The following TBC1D9 variants were observed in gnomAD, a reference collection of about 807,000 sequenced individuals.
TBC1D9 encodes TBC1 domain family member 9A.
In TBC1D9, 63 loss-of-function variants were observed where a neutral mutation model predicts 132.0. The ratio of observed to expected loss-of-function variants is 0.48; its 90% confidence interval spans 0.39 to 0.59. The LOEUF (loss-of-function observed/expected upper bound fraction) is 0.59. Ranked by LOEUF, TBC1D9 falls within the 20% of genes least tolerant of loss-of-function variation. TBC1D9 has a pLI of 0.00. For synonymous variants in TBC1D9, 610 were observed against 609.9 expected (o/e 1.00, Z 0.00); for missense variants, 1,261 against 1,592.7 (o/e 0.79, Z 3.54).
chr4:140,643,762 C>T, intron 13 of TBC1D9: 2 of 1,072,914 alleles, frequency 1.9e-6, no homozygotes, highest in South Asian at 2.9e-5. Flanking sequence ...GGCCCCTCCG[C>T]AAAGTCTGGG....
intron 1 of TBC1D9, among the ~76,000 whole-genome samples, chr4:140,725,815 T>C (rs1302851226): frequency 2.6e-5 from 4 of 152,126 alleles, no homozygotes; most frequent in Non-Finnish European, 4.4e-5. Flanking sequence ...AAATTACATA[T>C]TGTAATTTGC....
At chr4:140,640,961 C>T (rs1463336829) in intron 13 of TBC1D9, among the ~76,000 whole-genome samples, 7 of 150,898 alleles carry the variant, frequency 4.6e-5, no homozygotes, top group Non-Finnish European at 1.0e-4. Flanking sequence ...CACTATTAAC[C>T]AAAAGTCAGT....
Position 140,708,616 on chromosome 4 carries a change from C to T in TBC1D9, c.131-7002G>A, listed in dbSNP as rs531424314. 2.0e-5 allele frequency among the ~76,000 whole-genome samples: 3 copies of T among 152,250 alleles called. No homozygotes were observed. In the South Asian group the frequency reaches 6.2e-4, roughly 32 times the overall value. The stretch of plus-strand genomic sequence containing the variant: ...GGGATTAGGAAAATGGTTCTGTGTG[C>T]AGGTGTGAAGAATGCTGAAATGGCC... On this transcript the variant is annotated intron_variant, in intron 1 of 20. Transcript: ENST00000442267.
chr4:140,643,072 A>C (rs116043551), intron 13 of TBC1D9: 1 of 1,326,028 alleles, frequency 7.5e-7, no homozygotes, highest in Non-Finnish European at 1.1e-6. Context: ...ATCCAGCTGT[A>C]CTTATTGTGG....
chr4:140,624,086 A>C (rs1177469436), intron 20 of TBC1D9, 30 bp downstream of exon 20: 1 of 1,537,400 alleles, frequency 6.5e-7, no homozygotes, highest in Non-Finnish European at 8.9e-7. Context: ...TCCAGGTTTG[A>C]AGCGAATGAT....
chr4:140,694,732 A>C (rs1204583669), intron 2 of TBC1D9, among the ~76,000 whole-genome samples: 1 of 149,430 alleles, frequency 6.7e-6, no homozygotes, highest in African/African-American at 2.4e-5. Flanking sequence ...CACATAGTAT[A>C]TATTATATAC....
intron 16 of TBC1D9, among the ~76,000 whole-genome samples, chr4:140,630,162 T>C (rs1447756664): frequency 1.3e-5 from 2 of 152,210 alleles, no homozygotes; most frequent in Non-Finnish European, 2.9e-5. Context: ...TATTTATCCT[T>C]ATCAATTTTT....
At position 140,668,903 on chromosome 4, in the gene TBC1D9, C is replaced by T. The variant is rs373096543; in HGVS notation, c.1588+14G>A. 21 of 1,612,742 alleles carry T rather than the reference C, an allele frequency of 1.3e-5. No homozygotes were observed. In the African/African-American group the frequency reaches 1.3e-4, roughly 10 times the overall value. On this transcript the variant is annotated intron_variant, in intron 9 of 20. Coordinates refer to ENST00000442267, the MANE Select transcript of TBC1D9 (RefSeq NM_015130.3). ...CAGACTTTGACGCCAGCATTCCCAG[C>T]CCAGCGGCCGTACCTGACAGCAGCA...
At position 140,669,794 on chromosome 4, in the gene TBC1D9, C is replaced by G; in HGVS notation, c.1277G>C (p.Arg426Pro). The G allele has an allele frequency of 1.2e-6, 2 of 1,613,372 alleles. No individual in the cohort carries two copies. The highest frequency in any genetic ancestry group is 1.7e-6 in the Non-Finnish European group (2 of 1,179,568). ...YNSSDDEVYS[R>P]PSSLVSSSPQ... ...GCTGGAGGAGACGAGGCTGCTGGGT[C>G]GAGAGTACACCTGTCAATACAGAGA... Residue 426 changes from arginine (R) to proline (P), a missense_variant, in exon 8 of 21, where the codon CGA (arginine) becomes CCA (proline). Physicochemically the swap from Arg to Pro is moderately radical, Grantham distance 103 (BLOSUM62 -2). Coordinates refer to ENST00000442267, the MANE Select transcript of TBC1D9 (RefSeq NM_015130.3).
intron 13 of TBC1D9, among the ~76,000 whole-genome samples, chr4:140,655,802 G>A (rs572964097): frequency 2.8e-4 from 43 of 152,210 alleles, no homozygotes; most frequent in African/African-American, 1.0e-3. Context: ...TAGGACTCTG[G>A]TCTACTCTGG....
chr4:140,632,866 A>G (rs1182730263), intron 16 of TBC1D9, among the ~76,000 whole-genome samples: 1 of 152,240 alleles, frequency 6.6e-6, no homozygotes, highest in Non-Finnish European at 1.5e-5. Context: ...TATCACTATC[A>G]TTATTACACC....
At chr4:140,651,236 A>G (rs957940873) in intron 13 of TBC1D9, among the ~76,000 whole-genome samples, 1 of 152,236 alleles carries the variant, frequency 6.6e-6, no homozygotes, top group Non-Finnish European at 1.5e-5. Flanking sequence ...TGGGAGGCCA[A>G]GGCGGGCAGA....
intron 13 of TBC1D9, chr4:140,642,423 C>A: frequency 1.1e-6 from 1 of 885,294 alleles, no homozygotes; most frequent in Non-Finnish European, 1.8e-6. Context: ...CCTTCCTGTC[C>A]TTGCCCAGCA....
chr4:140,642,437 T>C, intron 13 of TBC1D9: 1 of 878,124 alleles, frequency 1.1e-6, no homozygotes, highest in Non-Finnish European at 1.9e-6. Context: ...CCCAGCAGGC[T>C]GTCATAAGGA....
intron 1 of TBC1D9, 120 bp downstream of exon 1, chr4:140,755,796 C>A: frequency 7.4e-7 from 1 of 1,358,040 alleles, no homozygotes. Context: ...TACAACGAGG[C>A]AGGGCGGGTC....
chr4:140,734,046 C>A (rs1231594691), intron 1 of TBC1D9, among the ~76,000 whole-genome samples: 1 of 152,166 alleles, frequency 6.6e-6, no homozygotes, highest in African/African-American at 2.4e-5. Context: ...AATGCTATTA[C>A]CGAGCTGATG....
At position 140,627,462 on chromosome 4, in the gene TBC1D9, T is replaced by G. The variant is rs1486257374; in HGVS notation, c.2878A>C (p.Ile960Leu). The change falls in exon 18 of 21, where the codon ATT (isoleucine) becomes CTT (leucine). Residue 960 changes from isoleucine to leucine, a missense_variant. By Grantham distance (5) the Ile-to-Leu change is conservative (BLOSUM62 2). Coordinates refer to ENST00000442267, the MANE Select transcript of TBC1D9 (RefSeq NM_015130.3). ...FEATQYFFEDITPECTHVVGL... is the reference protein window; with the variant it reads ...FEATQYFFEDLTPECTHVVGL... ...TTACCATGTGTACATTCTGGGGTAATATCTTCAAAGAAGTACTGAGTTGCT... is the reference window on the plus strand; with the variant it reads ...TTACCATGTGTACATTCTGGGGTAAGATCTTCAAAGAAGTACTGAGTTGCT... 1.9e-6 allele frequency: 3 copies of G among 1,608,870 alleles called. No individual in the cohort carries two copies. The highest frequency in any genetic ancestry group is 2.6e-6 in the Non-Finnish European group (3 of 1,176,412).
rs1205298285 is a variant in TBC1D9 at position 140,686,405 on chromosome 4, T to C, written c.299A>G (p.Gln100Arg). 1 of 1,612,882 alleles carries C rather than the reference T, an allele frequency of 6.2e-7. No individual in the cohort carries two copies. Among genetic ancestry groups the C allele is most frequent in the African/African-American group, 1.3e-5 (1 of 74,886 alleles). Residue 100 changes from glutamine to arginine, a missense_variant, in exon 3 of 21, where the codon CAG becomes CGG. Gln to Arg is a conservative substitution (Grantham distance 43, BLOSUM62 1). Transcript: ENST00000442267. ...HWEWLEQNLL[Q>R]TLSIFENEND... is the part of the protein sequence containing the mutation. ...CTCATTTTCAAAGATGGAGAGTGTC[T>C]GCAAGAGATTTTGCTCAAGCCATTC...
intron 1 of TBC1D9, among the ~76,000 whole-genome samples, chr4:140,726,501 C>A (rs961392097): frequency 6.6e-6 from 1 of 152,000 alleles, no homozygotes; most frequent in African/African-American, 2.4e-5. Flanking sequence ...TCTCACAACA[C>A]CCCTACCCCC....
Sources: allele counts gnomAD v4.1 joint callset (sites outside exome capture counted in the v4.1 genomes callset), GRCh38; gene constraint gnomAD v4.1.1; transcripts MANE v1.5; gene names NCBI Gene and HGNC (gene_info 2026-07-23, HGNC 2026-07-21).